The following PIAS1 variants were observed in gnomAD, a reference collection of about 807,000 sequenced individuals.
The protein encoded by PIAS1 is protein inhibitor of activated STAT 1, also known as E3 SUMO-protein ligase PIAS1.
A neutral mutation model predicts 71.3 loss-of-function variants in PIAS1; 6 were observed. That is an observed-to-expected ratio of 0.08 (90% CI 0.05 to 0.17). The LOEUF (loss-of-function observed/expected upper bound fraction) is 0.17, where lower values mean the gene tolerates loss of function less well. PIAS1 is among the 10% of genes least tolerant of loss of function. The pLI is 1.00. For synonymous variants in PIAS1, 303 were observed against 292.9 expected, an observed-to-expected ratio of 1.03 and a Z score of -0.35; for missense variants, 555 against 793.6, an observed-to-expected ratio of 0.70 and a Z score of 3.61.
chr15:68,094,048 G>T (rs987270558), intron 2 of PIAS1, among the ~76,000 whole-genome samples: 13 of 151,758 alleles, frequency 8.6e-5, no homozygotes, highest in Non-Finnish European at 1.8e-4. Flanking sequence ...TCATTTTTAA[G>T]CCTGGGAAGG....
Position 68,086,616 on chromosome 15 carries a change from C to G in PIAS1, c.335C>G (p.Ser112Cys), listed in dbSNP as rs2092285003. 2 of 1,613,338 alleles carry G rather than the reference C, an allele frequency of 1.2e-6. No individual in the cohort carries two copies. Among genetic ancestry groups the G allele is most frequent in the African/African-American group, 1.3e-5 (1 of 74,904 alleles). The change falls in exon 2 of 14, where the codon TCT (serine) becomes TGT (cysteine). Residue 112 changes from serine (S) to cysteine (C), a missense_variant. Ser to Cys is a moderately radical substitution (Grantham distance 112). Transcript: ENST00000249636. The surrounding 1 kb of genome is among the most constrained non-coding windows in gnomAD (Gnocchi z 7.2). ...GCATCATCGCCATTACTCCCTGTTT[C>G]TCTTCTGGGACCTAAACATGAACTG... ...HPASSPLLPV[S>C]LLGPKHELEL...
chr15:68,088,759 G>A (rs950022803), intron 2 of PIAS1, among the ~76,000 whole-genome samples: 1 of 152,020 alleles, frequency 6.6e-6, no homozygotes. Context: ...TATATTTTAA[G>A]GCTCTGTTTT....
intron 7 of PIAS1, among the ~76,000 whole-genome samples, chr15:68,154,291 G>A (rs2092871603): frequency 6.6e-6 from 1 of 152,210 alleles, no homozygotes; most frequent in Non-Finnish European, 1.5e-5. Flanking sequence ...GTCTTCAAAT[G>A]GGGCTGTGCT....
chr15:68,059,849 A>G (rs1241178511), intron 1 of PIAS1, among the ~76,000 whole-genome samples: 1 of 151,846 alleles, frequency 6.6e-6, no homozygotes, highest in Non-Finnish European at 1.5e-5. Context: ...AAGTGTTGGG[A>G]TTACAGGTGT....
intron 2 of PIAS1, among the ~76,000 whole-genome samples, chr15:68,098,716 T>C (rs538280162): frequency 5.9e-5 from 9 of 152,300 alleles, no homozygotes; most frequent in African/African-American, 2.2e-4. Flanking sequence ...CATATTTGCC[T>C]CATTCTTTTT....
intron 1 of PIAS1, among the ~76,000 whole-genome samples, chr15:68,065,682 A>G (rs1009938254): frequency 2.0e-5 from 3 of 151,270 alleles, no homozygotes; most frequent in Non-Finnish European, 4.4e-5. Flanking sequence ...CATCTCTGTA[A>G]GTAATGCTAA....
chr15:68,183,592 C>CT (rs752717754), intron 12 of PIAS1, 38 bp from the exon 13 acceptor site: 3,232 of 788,070 alleles, frequency 4.1e-3, no homozygotes, highest in Non-Finnish European at 4.8e-3. Flanking sequence ...GTTTTTCCTT[C>CT]TTTTTTTTTT....
intron 2 of PIAS1, among the ~76,000 whole-genome samples, chr15:68,092,444 A>T (rs1205964360): frequency 6.6e-6 from 1 of 152,134 alleles, no homozygotes; most frequent in African/African-American, 2.4e-5. Context: ...AAGTGCTAGG[A>T]TTACAGGTGT....
chr15:68,065,797 G>A (rs2092014737), intron 1 of PIAS1, among the ~76,000 whole-genome samples: 1 of 139,764 alleles, frequency 7.2e-6, no homozygotes, highest in Non-Finnish European at 1.5e-5. Context: ...CTGGAGTGCA[G>A]TGGTATGATC....
chr15:68,132,853 A>C (rs932179427), intron 2 of PIAS1, among the ~76,000 whole-genome samples: 5 of 152,154 alleles, frequency 3.3e-5, no homozygotes, highest in Admixed American at 6.5e-5. Context: ...TATCTTTTGA[A>C]TTTGATTTAA....
chr15:68,060,175 A>G lies in PIAS1; in HGVS notation c.24+5825A>G, dbSNP rs1306195817. Among the ~76,000 whole-genome samples the G allele has an allele frequency of 2.0e-5, 3 of 152,118 alleles. No individual in the cohort carries two copies. In the East Asian group the frequency reaches 5.8e-4, roughly 29 times the overall value. ...ATGAATAGTAGAATTTCAAGTAGGC[A>G]AGTATGTTTGATTTTGGAAATTATA... On this transcript the variant is annotated intron_variant, in intron 1 of 13. Transcript: ENST00000249636.
intron 2 of PIAS1, among the ~76,000 whole-genome samples, chr15:68,120,205 A>G (rs995789431): frequency 1.3e-5 from 2 of 148,938 alleles, no homozygotes; most frequent in African/African-American, 4.9e-5. Flanking sequence ...GTGTTCTTAT[A>G]CTTAAAGTGG....
intron 2 of PIAS1, among the ~76,000 whole-genome samples, chr15:68,107,222 A>G (rs2092479489): frequency 6.6e-6 from 1 of 152,100 alleles, no homozygotes; most frequent in Admixed American, 6.6e-5. Context: ...TTTTCAATTT[A>G]TGTGTTTGTT....
intron 1 of PIAS1, among the ~76,000 whole-genome samples, chr15:68,059,067 C>G (rs568641188): frequency 2.1e-5 from 3 of 145,072 alleles, no homozygotes; most frequent in African/African-American, 7.7e-5. Context: ...TGCAGTGGCG[C>G]GATCTCGGCG....
chr15:68,126,058 A>T (rs1055028505), intron 2 of PIAS1, among the ~76,000 whole-genome samples: 4 of 151,902 alleles, frequency 2.6e-5, no homozygotes, highest in African/African-American at 7.2e-5. Context: ...AACATGTAGG[A>T]TTCTTTTTAT....
At chr15:68,140,465 T>C (rs1306477845) in intron 2 of PIAS1, among the ~76,000 whole-genome samples, 1 of 152,214 alleles carries the variant, frequency 6.6e-6, no homozygotes, top group Non-Finnish European at 1.5e-5. Context: ...GCCTTAGTTA[T>C]TGGCATTGCC....
chr15:68,135,055 G>C (rs1300962911), intron 2 of PIAS1, among the ~76,000 whole-genome samples: 78 of 34,034 alleles, frequency 2.3e-3, no homozygotes, highest in African/African-American at 3.4e-3. Flanking sequence ...GGGCAGAGGC[G>C]CCCCTCACCT....
rs768398703 is a variant in PIAS1 at position 68,084,609 on chromosome 15, G to C, written c.25-1697G>C. Among the ~76,000 whole-genome samples, 3 of 152,128 alleles carry C rather than the reference G, an allele frequency of 2.0e-5. No homozygotes were observed. The South Asian group carries it at 6.2e-4, about 32-fold the overall frequency. On this transcript the variant is annotated intron_variant, in intron 1 of 13. Transcript: ENST00000249636. ...TGAGCATTTATTTGGATAAGTTATC[G>C]CTGTAGATGCTACCTCCCACCCTTT... is the stretch of plus-strand genomic sequence containing the variant.
intron 2 of PIAS1, among the ~76,000 whole-genome samples, chr15:68,103,562 C>T (rs1407232254): frequency 1.3e-5 from 2 of 152,192 alleles, no homozygotes; most frequent in East Asian, 3.9e-4. Context: ...AATTTTAGAA[C>T]ATTTTCATCA....
Sources: gnomAD v4.1 joint callset for allele counts (sites outside exome capture counted in the v4.1 genomes callset) on GRCh38, gnomAD v4.1.1 for gene constraint, Gnocchi (gnomAD v3.1) non-coding constraint, MANE v1.5 for transcripts, NCBI Gene and HGNC (gene_info 2026-07-23, HGNC 2026-07-21) for gene names.